RIMBP2: variants seen among roughly 807,000 people sequenced by gnomAD.
The protein encoded by RIMBP2 is RIMS binding protein 2.
Under a neutral mutation model 118.6 loss-of-function variants are expected in RIMBP2, and 48 were observed. The observed-to-expected ratio is 0.40, with a 90% CI of 0.32 to 0.51. RIMBP2 has a LOEUF of 0.51. Among genes scored for constraint, RIMBP2 ranks in the 20% least tolerant of loss-of-function variants. The pLI is 0.41. For synonymous variants in RIMBP2, 762 were observed against 742.9 expected, an observed-to-expected ratio of 1.03 and a Z score of -0.42; for missense variants, 1,551 against 1,768.3, an observed-to-expected ratio of 0.88 and a Z score of 2.20.
At chr12:130,682,672 G>A (rs910663902) in intron 1 of RIMBP2, among the ~76,000 whole-genome samples, 6 of 152,322 alleles carry the variant, frequency 3.9e-5, no homozygotes, top group African/African-American at 1.4e-4. Context: ...GCAGACGATC[G>A]ATTTCCTTGT....
At chr12:130,675,852 T>C (rs1474439236) in intron 1 of RIMBP2, among the ~76,000 whole-genome samples, 1 of 152,168 alleles carries the variant, frequency 6.6e-6, no homozygotes, top group Non-Finnish European at 1.5e-5. Context: ...CGCACTGCCA[T>C]GGTCTGAATG....
In RIMBP2 at chr12:130,446,904, T is replaced by C. The variant is rs1447867848; in HGVS notation, c.582-1635A>G. Among the ~76,000 whole-genome samples, 5 of 151,484 alleles carry C rather than the reference T, an allele frequency of 3.3e-5. No homozygotes were observed. Among genetic ancestry groups the C allele is most frequent in the African/African-American group, 1.2e-4 (5 of 41,160 alleles). The stretch of plus-strand genomic sequence containing the variant: ...ACTTAGGAGGCTGTGGAAATGCGGG[T>C]TGCCTGGCTGCAGGGATGAGGGACT... On this transcript the variant is annotated intron_variant, in intron 9 of 22. Coordinates refer to ENST00000690449, the MANE Select transcript of RIMBP2 (RefSeq NM_001393629.1). This position sits in a 1 kb window ranked among gnomAD's most constrained non-coding sequence, Gnocchi z 4.1.
intron 2 of RIMBP2, among the ~76,000 whole-genome samples, chr12:130,591,969 AG>A (rs1400236919): frequency 2.0e-5 from 3 of 152,168 alleles, no homozygotes. Context: ...GCCACGTCCC[AG>A]GCCTGGAGTC....
chr12:130,493,958 C>A (rs1348024071), intron 4 of RIMBP2, among the ~76,000 whole-genome samples: 2 of 152,194 alleles, frequency 1.3e-5, no homozygotes, highest in South Asian at 4.1e-4. Flanking sequence ...GGTGGCCCGA[C>A]AGGCACTGGA....
rs768919273 is a variant in RIMBP2 at position 130,414,120 on chromosome 12, C to G, written c.3420+5G>C. ...TGAAGCCGCCCGCAGGCAGCCATCC[C>G]GCACCTTGATGATCTGGCCTTCTTT... On this transcript the variant is annotated splice_donor_5th_base_variant and intron_variant, in intron 18 of 22. Transcript: ENST00000690449. 1.9e-6 allele frequency: 3 copies of G among 1,613,908 alleles called. No individual in the cohort carries two copies. In the African/African-American group the frequency reaches 4.0e-5, roughly 22 times the overall value.
chr12:130,436,818 C>T, intron 13 of RIMBP2, 24 bp downstream of exon 13: 1 of 1,373,806 alleles, frequency 7.3e-7, no homozygotes, highest in Non-Finnish European at 9.4e-7. Flanking sequence ...TGAGGAGCCA[C>T]CGAGGCGGGA....
At chr12:130,479,088 C>A in intron 4 of RIMBP2, 72 bp from the exon 5 acceptor site, 3 of 1,271,828 alleles carry the variant, frequency 2.4e-6, no homozygotes, top group Admixed American at 2.2e-5. Flanking sequence ...ATACCCTGCA[C>A]CAAGCTGGCT....
intron 2 of RIMBP2, among the ~76,000 whole-genome samples, chr12:130,585,787 C>T (rs1201249185): frequency 6.6e-6 from 1 of 152,174 alleles, no homozygotes; most frequent in Non-Finnish European, 1.5e-5. Context: ...TGGTCACAGT[C>T]CCCACCACTC....
intron 1 of RIMBP2, among the ~76,000 whole-genome samples, chr12:130,691,823 A>C (rs1255905918): frequency 6.6e-6 from 1 of 152,152 alleles, no homozygotes; most frequent in Non-Finnish European, 1.5e-5. Flanking sequence ...TATAATCTTC[A>C]AGTAGAAATT....
chr12:130,654,045 A>T (rs964313364), intron 1 of RIMBP2, among the ~76,000 whole-genome samples: 1 of 152,170 alleles, frequency 6.6e-6, no homozygotes, highest in Non-Finnish European at 1.5e-5. Context: ...CTTGGATATT[A>T]GCACTTGGGT....
chr12:130,680,587 G>A (rs1363362141), intron 1 of RIMBP2, among the ~76,000 whole-genome samples: 2 of 152,194 alleles, frequency 1.3e-5, no homozygotes, highest in African/African-American at 2.4e-5. Context: ...TTCTAGGACC[G>A]CGGCTCTCGG....
intron 1 of RIMBP2, among the ~76,000 whole-genome samples, chr12:130,664,388 T>TGCACGCAC (rs139768825): frequency 9.4e-6 from 1 of 105,892 alleles, no homozygotes; most frequent in Admixed American, 1.0e-4. Flanking sequence ...CGCACGCGCA[T>TGCACGCAC]GCACACACAC....
intron 2 of RIMBP2, among the ~76,000 whole-genome samples, chr12:130,552,345 T>G (rs6486553): frequency 0.46 from 70,088 of 152,098 alleles, 17,067 homozygotes; most frequent in Non-Finnish European, 0.55. Context: ...CAAATCATGT[T>G]TTCTTTCCAA....
chr12:130,641,835 C>T (rs1186975268), intron 1 of RIMBP2, among the ~76,000 whole-genome samples: 1 of 152,022 alleles, frequency 6.6e-6, no homozygotes, highest in East Asian at 1.9e-4. Context: ...GTGGCTGCAC[C>T]GGGCTGGGCC....
intron 1 of RIMBP2, among the ~76,000 whole-genome samples, chr12:130,672,712 C>T (rs2064257767): frequency 6.6e-6 from 1 of 152,306 alleles, no homozygotes; most frequent in East Asian, 1.9e-4. Flanking sequence ...CCACTGCTCC[C>T]CTCTGCAAGC....
rs1004288387 is a variant in RIMBP2 at position 130,623,670 on chromosome 12, A to G, written c.-217+4652T>C. Among the ~76,000 whole-genome samples, 1 of 152,154 alleles carries G rather than the reference A, an allele frequency of 6.6e-6. No homozygotes were observed. Among genetic ancestry groups the G allele is most frequent in the Non-Finnish European group, 1.5e-5 (1 of 68,018 alleles). On this transcript the variant is annotated intron_variant, in intron 2 of 22. Coordinates refer to ENST00000690449, the MANE Select transcript of RIMBP2 (RefSeq NM_001393629.1). This position sits in a 1 kb window ranked among gnomAD's most constrained non-coding sequence, Gnocchi z 4.1. ...CTCCATGCACACCAAGCTGGTTACC[A>G]CCAACACCTGCATTTCTGTGCCTGG...
intron 3 of RIMBP2, among the ~76,000 whole-genome samples, chr12:130,513,933 C>T (rs1460775427): frequency 6.6e-6 from 1 of 152,232 alleles, no homozygotes; most frequent in Non-Finnish European, 1.5e-5. Context: ...GTTGTTTCTG[C>T]AGGTTTGCAT....
chr12:130,676,751 A>G (rs1401647915), intron 1 of RIMBP2, among the ~76,000 whole-genome samples: 1 of 152,234 alleles, frequency 6.6e-6, no homozygotes, highest in Non-Finnish European at 1.5e-5. Flanking sequence ...CAAATGTACC[A>G]TGAGAAGAGA....
At chr12:130,455,564 A>C (rs1446008488) in intron 7 of RIMBP2, among the ~76,000 whole-genome samples, 1 of 152,120 alleles carries the variant, frequency 6.6e-6, no homozygotes, top group African/African-American at 2.4e-5. Flanking sequence ...CGTGGACCAA[A>C]AGGGAAGGGC....
Sources: allele counts gnomAD v4.1 joint callset (sites outside exome capture counted in the v4.1 genomes callset), GRCh38; gene constraint gnomAD v4.1.1; non-coding constraint Gnocchi (gnomAD v3.1); transcripts MANE v1.5; gene names NCBI Gene and HGNC (gene_info 2026-07-23, HGNC 2026-07-21).